DLG2: variants seen among roughly 807,000 people sequenced by gnomAD.
The protein encoded by DLG2 is disks large homolog 2.
In DLG2, 45 loss-of-function variants were observed where a neutral mutation model predicts 132.5. The observed-to-expected ratio is 0.34, with a 90% CI of 0.27 to 0.44. The LOEUF (loss-of-function observed/expected upper bound fraction) is 0.44, where lower values mean the gene tolerates loss of function less well. Ranked by LOEUF, DLG2 falls within the 20% of genes least tolerant of loss-of-function variation. The probability of loss-of-function intolerance (pLI) is 1.00; values close to 1 mark genes in which losing one functional copy is unlikely to be tolerated. For missense variants in DLG2, 1,045 were observed against 1,196.9 expected (o/e 0.87, Z 1.87); for synonymous variants, 424 against 419.6 (o/e 1.01, Z -0.13).
intron 6 of DLG2, among the ~76,000 whole-genome samples, chr11:84,956,907 A>G (rs983048920): frequency 1.3e-5 from 2 of 152,208 alleles, no homozygotes; most frequent in Admixed American, 1.3e-4. Context: ...AGGTAAATCT[A>G]TAAAATCAGT....
intron 2 of DLG2, among the ~76,000 whole-genome samples, chr11:85,612,245 T>G (rs961689494): frequency 6.6e-6 from 1 of 152,244 alleles, no homozygotes; most frequent in African/African-American, 2.4e-5. Context: ...TGACAACCCA[T>G]AGCCTTCCTA....
At chr11:85,490,282 A>G (rs1307448253) in intron 3 of DLG2, among the ~76,000 whole-genome samples, 3 of 152,156 alleles carry the variant, frequency 2.0e-5, no homozygotes, top group African/African-American at 7.2e-5. Context: ...TAATGCTAAC[A>G]GGGAAGTTAG....
At chr11:85,185,756 A>C (rs1399762398) in intron 4 of DLG2, among the ~76,000 whole-genome samples, 1 of 151,820 alleles carries the variant, frequency 6.6e-6, no homozygotes, top group Non-Finnish European at 1.5e-5. Flanking sequence ...AAATCAACAT[A>C]ATTAACATAA....
At chr11:84,894,499 C>T (rs568412500) in intron 6 of DLG2, among the ~76,000 whole-genome samples, 3 of 152,196 alleles carry the variant, frequency 2.0e-5, no homozygotes, top group Admixed American at 2.0e-4. Context: ...TTTACACACA[C>T]AAACTCCTGG....
intron 18 of DLG2, among the ~76,000 whole-genome samples, chr11:83,711,265 TG>T (rs573236125): frequency 2.1e-4 from 32 of 152,284 alleles, no homozygotes; most frequent in African/African-American, 6.3e-4. Flanking sequence ...TGGGATAGGG[TG>T]TATAGATGCT....
intron 6 of DLG2, among the ~76,000 whole-genome samples, chr11:84,833,881 C>T (rs769846486): frequency 1.3e-5 from 2 of 151,610 alleles, no homozygotes; most frequent in Non-Finnish European, 3.0e-5. Flanking sequence ...AACTTCTCAA[C>T]GGCAACTTGC....
intron 17 of DLG2, among the ~76,000 whole-genome samples, chr11:83,807,871 T>A (rs557030248): frequency 1.3e-5 from 2 of 152,226 alleles, no homozygotes; most frequent in African/African-American, 4.8e-5. Context: ...AGAGATACGG[T>A]CTGTGTGGTG....
At chr11:84,856,276 G>A (rs891162593) in intron 6 of DLG2, among the ~76,000 whole-genome samples, 1 of 152,098 alleles carries the variant, frequency 6.6e-6, no homozygotes, top group African/African-American at 2.4e-5. Context: ...TAAGGAGACT[G>A]AGGGCTGCAA....
At chr11:83,836,409 C>G (rs1301012347) in intron 16 of DLG2, among the ~76,000 whole-genome samples, 8 of 152,166 alleles carry the variant, frequency 5.3e-5, no homozygotes, top group Non-Finnish European at 1.0e-4. Flanking sequence ...TGGGGCCTCT[C>G]TCAGCTCCTA....
intron 3 of DLG2, among the ~76,000 whole-genome samples, chr11:85,307,617 C>G (rs1336185250): frequency 6.6e-6 from 1 of 152,156 alleles, no homozygotes; most frequent in Non-Finnish European, 1.5e-5. Context: ...TTGAATCACC[C>G]CATAGTATAA....
intron 21 of DLG2, among the ~76,000 whole-genome samples, chr11:83,511,506 C>A (rs1352950005): frequency 1.3e-5 from 2 of 152,038 alleles, no homozygotes; most frequent in African/African-American, 4.8e-5. Flanking sequence ...AAATGGGGTG[C>A]TGTTACCTCC....
At chr11:84,795,200 C>T (rs1230308394) in intron 6 of DLG2, among the ~76,000 whole-genome samples, 5 of 152,216 alleles carry the variant, frequency 3.3e-5, no homozygotes, top group Non-Finnish European at 7.3e-5. Flanking sequence ...GGATGACCTG[C>T]CTGTGGAGAG....
intron 6 of DLG2, among the ~76,000 whole-genome samples, chr11:84,721,980 AT>A (rs1178720839): frequency 6.6e-6 from 1 of 151,972 alleles, no homozygotes; most frequent in Non-Finnish European, 1.5e-5. Flanking sequence ...TATTTGACAT[AT>A]TTTTTTTCTA....
chr11:84,756,658 T>C (rs1433742098), intron 6 of DLG2, among the ~76,000 whole-genome samples: 12 of 152,228 alleles, frequency 7.9e-5, no homozygotes, highest in Non-Finnish European at 1.5e-5. Context: ...TTACTATTTT[T>C]CTTTCCTCGT....
At position 84,518,197 on chromosome 11, in the gene DLG2, G is replaced by A. The variant is rs1038164720; in HGVS notation, c.519+16373C>T. Among the ~76,000 whole-genome samples the A allele has an allele frequency of 1.8e-4, 17 of 93,770 alleles. 1 individual carries two copies. The highest frequency in any genetic ancestry group is 6.9e-4 in the African/African-American group (16 of 23,240). 61.5% of individuals were successfully genotyped at this position (93,770 alleles called of 152,430 possible). ...ACTGGTCCCAGTCTTTTAAGGAAAG[G>A]TTTCAGAACCTACAAAGAGTTTAAT... On this transcript the variant is annotated intron_variant, in intron 7 of 27. Coordinates refer to ENST00000376104, the MANE Select transcript of DLG2 (RefSeq NM_001142699.3).
At chr11:85,527,756 C>G (rs186188717) in intron 3 of DLG2, among the ~76,000 whole-genome samples, 133 of 152,230 alleles carry the variant, frequency 8.7e-4, no homozygotes, top group African/African-American at 3.1e-3. Context: ...GTTTTAGATC[C>G]TTGAGGCATC....
intron 2 of DLG2, among the ~76,000 whole-genome samples, chr11:85,607,352 A>G (rs900748816): frequency 1.3e-5 from 2 of 152,188 alleles, no homozygotes; most frequent in South Asian, 4.1e-4. Context: ...CAGAGGGGAA[A>G]GTCATTCAAC....
intron 18 of DLG2, among the ~76,000 whole-genome samples, chr11:83,775,016 GAAC>G (rs202205859): frequency 0.016 from 2,455 of 151,934 alleles, 67 homozygotes; most frequent in African/African-American, 0.056. Flanking sequence ...TCCCCCAAAA[GAAC>G]AACAACAATT....
At chr11:84,108,529 A>T (rs1487531868) in intron 9 of DLG2, among the ~76,000 whole-genome samples, 1 of 152,100 alleles carries the variant, frequency 6.6e-6, no homozygotes. Flanking sequence ...TGGCAGAGGA[A>T]CAAGATGTGC....
Sources: allele counts gnomAD v4.1 joint callset (sites outside exome capture counted in the v4.1 genomes callset), GRCh38; gene constraint gnomAD v4.1.1; transcripts MANE v1.5; gene names NCBI Gene and HGNC (gene_info 2026-07-23, HGNC 2026-07-21).